The following ASTN2 variants were observed in gnomAD, a reference collection of about 807,000 sequenced individuals.
ASTN2 encodes the protein astrotactin-2.
ASTN2 carries 54 observed loss-of-function variants against 139.8 expected under a neutral mutation model. That is an observed-to-expected ratio of 0.39 (90% confidence interval 0.31 to 0.48). The LOEUF is 0.48. ASTN2 is among the 20% of genes least tolerant of loss of function. The pLI, the probability that ASTN2 is intolerant of heterozygous loss-of-function variation, is 0.95. For missense variants in ASTN2, 1,565 were observed against 1,725.1 expected, an observed-to-expected ratio of 0.91 and a Z score of 1.64; for synonymous variants, 756 against 719.5, an observed-to-expected ratio of 1.05 and a Z score of -0.81.
intron 19 of ASTN2, chr9:116,543,842 G>A (rs1015986799): frequency 6.6e-6 from 1 of 152,164 alleles, no homozygotes; most frequent in Admixed American, 6.6e-5. Flanking sequence ...GATGACGCTT[G>A]TGAGGTTCCT....
intron 3 of ASTN2, among the ~76,000 whole-genome samples, chr9:117,206,220 G>T (rs1417656037): frequency 2.6e-5 from 4 of 152,152 alleles, no homozygotes; most frequent in Admixed American, 6.5e-5. Context: ...GTCCATGAGG[G>T]CAATGTAGAG....
chr9:116,461,022 C>T (rs886441124), intron 20 of ASTN2, among the ~76,000 whole-genome samples: 9 of 152,108 alleles, frequency 5.9e-5, no homozygotes, highest in Admixed American at 2.0e-4. Context: ...CACCTTGAAC[C>T]TCTGGCATGT....
chr9:116,932,475 T>C (rs1834928408), intron 10 of ASTN2, among the ~76,000 whole-genome samples: 1 of 152,134 alleles, frequency 6.6e-6, no homozygotes, highest in African/African-American at 2.4e-5. Flanking sequence ...TGGAAGTAAG[T>C]GATAGCAGCT....
At chr9:116,756,793 A>ACACACACT (rs1829544598) in intron 13 of ASTN2, among the ~76,000 whole-genome samples, 1 of 151,568 alleles carries the variant, frequency 6.6e-6, no homozygotes, top group South Asian at 2.1e-4. Flanking sequence ...ACACACACAC[A>ACACACACT]CACACATACA....
chr9:116,850,049 A>G (rs1386308756), intron 11 of ASTN2, among the ~76,000 whole-genome samples: 6 of 152,310 alleles, frequency 3.9e-5, no homozygotes, highest in Middle Eastern at 3.4e-3. Flanking sequence ...TTGGACCCTC[A>G]GGGGATTGAA....
chr9:116,454,432 AC>A (rs761929316), intron 20 of ASTN2, among the ~76,000 whole-genome samples: 20 of 152,174 alleles, frequency 1.3e-4, no homozygotes, highest in Non-Finnish European at 2.9e-4. Context: ...AAATAGGAAC[AC>A]TTTTACACTG....
At chr9:117,170,941 T>G (rs754368168) in intron 3 of ASTN2, among the ~76,000 whole-genome samples, 9 of 152,120 alleles carry the variant, frequency 5.9e-5, no homozygotes, top group Non-Finnish European at 1.2e-4. Flanking sequence ...TGCCTAGATG[T>G]GTTCTGCCCC....
intron 13 of ASTN2, among the ~76,000 whole-genome samples, chr9:116,749,046 G>A (rs1476437196): frequency 6.6e-6 from 1 of 152,010 alleles, no homozygotes; most frequent in Non-Finnish European, 1.5e-5. Context: ...CGTCCCCTGT[G>A]TAGATCTAGT....
chr9:117,307,520 C>T (rs1314259349), intron 1 of ASTN2, among the ~76,000 whole-genome samples: 5 of 152,222 alleles, frequency 3.3e-5, no homozygotes, highest in Non-Finnish European at 7.4e-5. Context: ...ACAGTGTTCA[C>T]AGGGATATGT....
At chr9:116,746,995 A>G (rs1333955331) in intron 13 of ASTN2, among the ~76,000 whole-genome samples, 2 of 152,142 alleles carry the variant, frequency 1.3e-5, no homozygotes, top group African/African-American at 4.8e-5. Flanking sequence ...CAGCTGTGGT[A>G]CCGCGATCTC....
intron 2 of ASTN2, among the ~76,000 whole-genome samples, chr9:117,226,818 C>T (rs150028869): frequency 1.3e-5 from 2 of 152,230 alleles, no homozygotes; most frequent in East Asian, 1.9e-4. Context: ...TCTGGAGAGT[C>T]GGCAGAATGA....
intron 4 of ASTN2, among the ~76,000 whole-genome samples, chr9:117,108,869 C>G (rs1284577619): frequency 6.6e-6 from 1 of 152,180 alleles, no homozygotes; most frequent in East Asian, 1.9e-4. Context: ...ATGATGGCTT[C>G]TGGTGCTCCC....
chr9:117,104,087 T>C (rs1829046589), intron 4 of ASTN2, among the ~76,000 whole-genome samples: 1 of 152,208 alleles, frequency 6.6e-6, no homozygotes, highest in Non-Finnish European at 1.5e-5. Flanking sequence ...TGGAAGGATA[T>C]GGATTCAAAC....
At chr9:116,935,508 C>T (rs1835041589) in intron 10 of ASTN2, among the ~76,000 whole-genome samples, 1 of 152,088 alleles carries the variant, frequency 6.6e-6, no homozygotes, top group African/African-American at 2.4e-5. Flanking sequence ...GAAGCATGTT[C>T]CTCTGCAAGT....
At chr9:116,876,977 G>T (rs980248334) in intron 10 of ASTN2, among the ~76,000 whole-genome samples, 2 of 152,174 alleles carry the variant, frequency 1.3e-5, no homozygotes, top group African/African-American at 4.8e-5. Context: ...CATGTGCTTT[G>T]TCCCTCTGGG....
At chr9:117,229,255 C>T (rs955744762) in intron 2 of ASTN2, among the ~76,000 whole-genome samples, 5 of 152,116 alleles carry the variant, frequency 3.3e-5, no homozygotes, top group Admixed American at 1.3e-4. Flanking sequence ...TAACGCTCCC[C>T]GCCCCCAAGC....
intron 10 of ASTN2, among the ~76,000 whole-genome samples, chr9:116,946,806 T>C (rs1423506116): frequency 6.6e-6 from 1 of 151,956 alleles, no homozygotes; most frequent in Non-Finnish European, 1.5e-5. Flanking sequence ...CCAGGATCTC[T>C]GTAGACCAAA....
chr9:116,921,321 G>T (rs929134636), intron 10 of ASTN2, among the ~76,000 whole-genome samples: 5 of 152,186 alleles, frequency 3.3e-5, no homozygotes, highest in African/African-American at 1.2e-4. Flanking sequence ...GGGCGTGGTG[G>T]CTCACGCCTG....
intron 2 of ASTN2, among the ~76,000 whole-genome samples, chr9:117,278,461 A>C (rs1212855827): frequency 2.6e-5 from 4 of 152,178 alleles, no homozygotes; most frequent in Admixed American, 6.5e-5. Context: ...CTTGACTTAA[A>C]ATTCAGCACA....
Sources: allele counts gnomAD v4.1 joint callset (sites outside exome capture counted in the v4.1 genomes callset), GRCh38; gene constraint gnomAD v4.1.1; transcripts MANE v1.5; gene names NCBI Gene and HGNC (gene_info 2026-07-23, HGNC 2026-07-21).